Variants in PCDHGA12 observed in about 807,000 individuals in gnomAD.
PCDHGA12 encodes the protein protocadherin gamma-A12.
PCDHGA12 carries 43 observed loss-of-function variants against 61.1 expected under a neutral mutation model. The observed-to-expected ratio is 0.70, with a 90% CI of 0.55 to 0.91. The LOEUF (loss-of-function observed/expected upper bound fraction) is 0.91, where lower values mean the gene tolerates loss of function less well. PCDHGA12 is among the 40% of genes least tolerant of loss of function. The pLI, the probability that PCDHGA12 is intolerant of heterozygous loss-of-function variation, is 0.00. For missense variants in PCDHGA12, 1,236 were observed against 1,227.7 expected, an observed-to-expected ratio of 1.01 and a Z score of -0.10; for synonymous variants, 520 against 542.9, an observed-to-expected ratio of 0.96 and a Z score of 0.59.
chr5:141,431,354 G>C lies in PCDHGA12; in HGVS notation c.595G>C (p.Ala199Pro). 6.2e-7 allele frequency: 1 copy of C among 1,614,036 alleles called. No individual in the cohort carries two copies. Among genetic ancestry groups the C allele is most frequent in the Non-Finnish European group, 8.5e-7 (1 of 1,180,038 alleles). ...GTACCCCGAATTGGTGCTGAAACGC[G>C]CCCTGGACCGCGAAGAAAAGGCTGC... ...SKYPELVLKR[A>P]LDREEKAAHH... The change falls in exon 1 of 4, where the codon GCC becomes CCC. Residue 199 changes from alanine to proline, a missense_variant. By Grantham distance (27) the Ala-to-Pro change is conservative. Transcript: ENST00000252085. This position sits in a 1 kb window ranked among gnomAD's most constrained non-coding sequence, Gnocchi z 4.8.
chr5:141,453,931 G>T (rs61228273), intron 1 of PCDHGA12, among the ~76,000 whole-genome samples: 2 of 152,306 alleles, frequency 1.3e-5, no homozygotes, highest in African/African-American at 4.8e-5. Flanking sequence ...GTCACTGTGT[G>T]CCTATAATTT....
intron 1 of PCDHGA12, among the ~76,000 whole-genome samples, chr5:141,492,854 G>A (rs1361942466): frequency 6.6e-6 from 1 of 152,212 alleles, no homozygotes; most frequent in Non-Finnish European, 1.5e-5. Flanking sequence ...AAAGCCTCGA[G>A]CGCCCTGGCT....
In PCDHGA12 at chr5:141,433,104, A is replaced by G; in HGVS notation, c.2345A>G (p.Gln782Arg). 1 of 1,614,214 alleles carries G rather than the reference A, an allele frequency of 6.2e-7. No homozygotes were observed. Among genetic ancestry groups the G allele is most frequent in the Non-Finnish European group, 8.5e-7 (1 of 1,180,040 alleles). ...AACTATGCAGACATGCTCGTCAGCC[A>G]GGAGAGCTTTGAAAAAAGCGAGCCC... ...QPNYADMLVS[Q>R]ESFEKSEPLL... The change falls in exon 1 of 4, where the codon CAG (glutamine) becomes CGG (arginine). Residue 782 changes from glutamine (Q) to arginine (R), a missense_variant. Gln to Arg is a conservative substitution (Grantham distance 43). Coordinates refer to ENST00000252085, the MANE Select transcript of PCDHGA12 (RefSeq NM_003735.3).
chr5:141,490,092 C>T lies in PCDHGA12; in HGVS notation c.2425-4715C>T. On this transcript the variant is annotated intron_variant, in intron 1 of 3. Coordinates refer to ENST00000252085, the MANE Select transcript of PCDHGA12 (RefSeq NM_003735.3). This position sits in a 1 kb window ranked among gnomAD's most constrained non-coding sequence, Gnocchi z 5.4. ...AACTAGACTATTCTTTTGGAGACCA[C>T]ACATCTGAGGCAGTGCGGAACCTCT... 6.2e-7 allele frequency: 1 copy of T among 1,614,240 alleles called. No individual in the cohort carries two copies.
Position 141,432,036 on chromosome 5 carries a change from AC to A in PCDHGA12, c.1279del (p.Arg427GlyfsTer14), listed in dbSNP as rs1419691535. The A allele has an allele frequency of 6.2e-7, 1 of 1,614,218 alleles. No individual in the cohort carries two copies. The highest frequency in any genetic ancestry group is 1.3e-5 in the African/African-American group (1 of 75,048). On this transcript the variant is annotated frameshift_variant, in exon 1 of 4. Coordinates refer to ENST00000252085, the MANE Select transcript of PCDHGA12 (RefSeq NM_003735.3). LOFTEE classifies it high-confidence loss of function. This position sits in a 1 kb window ranked among gnomAD's most constrained non-coding sequence, Gnocchi z 6.0. ...TACAACATCACAGTGACCGCCACTG[AC>A]CGGGGAACCCCGCCCCTATCCACGG... ...PSYNITVTATDRGTPPLSTET... is the reference protein window; with the variant it reads ...PSYNITVTATXRGTPPLSTET...
In PCDHGA12 at chr5:141,512,845, A is replaced by G. The variant is rs1166488780; in HGVS notation, c.*1672A>G. On this transcript the variant is annotated 3_prime_UTR_variant, in exon 4 of 4. Coordinates refer to ENST00000252085, the MANE Select transcript of PCDHGA12 (RefSeq NM_003735.3). ...CTCCCCCGTACTGACTTCTCCTATA[A>G]GCGCTTCTCTTCGCATAGTCACGTA... The G allele has an allele frequency of 6.6e-6, 1 of 152,156 alleles. No individual in the cohort carries two copies. Among genetic ancestry groups the G allele is most frequent in the African/African-American group, 2.4e-5 (1 of 41,380 alleles). 9.4% of individuals were successfully genotyped at this position (152,156 alleles called of 1,614,324 possible).
At chr5:141,478,329 C>T (rs1295950117) in intron 1 of PCDHGA12, 1 of 1,613,982 alleles carries the variant, frequency 6.2e-7, no homozygotes, top group African/African-American at 1.3e-5. Context: ...TACCGAACAC[C>T]AGGGCCCTCC....
intron 1 of PCDHGA12, chr5:141,484,876 A>T (rs1461505847): frequency 6.3e-6 from 2 of 315,126 alleles, no homozygotes; most frequent in Admixed American, 9.4e-5. Flanking sequence ...CGTGGAGGAT[A>T]GGGTGGGCTT....
chr5:141,510,847 A>C (rs1279701390), intron 3 of PCDHGA12, 100 bp from the exon 4 acceptor site: 1 of 1,595,232 alleles, frequency 6.3e-7, no homozygotes, highest in Non-Finnish European at 8.6e-7. Context: ...GTCAAGGCCC[A>C]GGGTGCTGTA....
chr5:141,434,877 C>A (rs1266355299), intron 1 of PCDHGA12, among the ~76,000 whole-genome samples: 1 of 151,612 alleles, frequency 6.6e-6, no homozygotes, highest in Non-Finnish European at 1.5e-5. Flanking sequence ...TGACAGATAC[C>A]AACAACAATC....
chr5:141,448,814 G>A (rs967588194), intron 1 of PCDHGA12, among the ~76,000 whole-genome samples: 14 of 152,122 alleles, frequency 9.2e-5, no homozygotes, highest in Non-Finnish European at 1.8e-4. Flanking sequence ...GCGTGATGGC[G>A]GGCGCCTGTA....
At chr5:141,435,884 C>G (rs1020738994) in intron 1 of PCDHGA12, among the ~76,000 whole-genome samples, 9 of 152,070 alleles carry the variant, frequency 5.9e-5, no homozygotes, top group African/African-American at 1.9e-4. Flanking sequence ...ATTGGAAACC[C>G]CTTAGAGAAT....
chr5:141,457,498 G>A (rs193168963), intron 1 of PCDHGA12, among the ~76,000 whole-genome samples: 23 of 152,246 alleles, frequency 1.5e-4, no homozygotes, highest in African/African-American at 4.3e-4. Flanking sequence ...TAAAATGTAG[G>A]CAAAAAGCTT....
chr5:141,475,644 A>C (rs1021491842), intron 1 of PCDHGA12, among the ~76,000 whole-genome samples: 2 of 152,238 alleles, frequency 1.3e-5, no homozygotes, highest in Non-Finnish European at 2.9e-5. Context: ...TCTTGTGATC[A>C]AAGAAAGTGA....
At chr5:141,436,738 G>T (rs1207400781) in intron 1 of PCDHGA12, among the ~76,000 whole-genome samples, 2 of 152,306 alleles carry the variant, frequency 1.3e-5, no homozygotes, top group South Asian at 2.1e-4. Context: ...AATGATTTTT[G>T]TGTGCTTCTC....
intron 1 of PCDHGA12, among the ~76,000 whole-genome samples, chr5:141,474,136 G>A (rs1383142266): frequency 1.3e-5 from 2 of 152,056 alleles, no homozygotes; most frequent in East Asian, 3.8e-4. Context: ...AAAACTACAG[G>A]CCTTATTATC....
At chr5:141,481,035 G>C (rs1342607604) in intron 1 of PCDHGA12, among the ~76,000 whole-genome samples, 1 of 152,094 alleles carries the variant, frequency 6.6e-6, no homozygotes, top group Non-Finnish European at 1.5e-5. Flanking sequence ...TCCAGCCTGG[G>C]CGACAGAGCG....
chr5:141,511,138 A>C lies in PCDHGA12; in HGVS notation c.2764A>C (p.Asn922His). 6.2e-7 allele frequency: 1 copy of C among 1,614,210 alleles called. No homozygotes were observed. ...DGKAPAGGNGNKKKSGKKEKK is the reference protein window; with the variant it reads ...DGKAPAGGNGHKKKSGKKEKK ...CAAGGCCCCAGCAGGTGGCAATGGCAACAAGAAGAAGTCGGGCAAGAAGGA... is the reference window on the plus strand; with the variant it reads ...CAAGGCCCCAGCAGGTGGCAATGGCCACAAGAAGAAGTCGGGCAAGAAGGA... Residue 922 changes from asparagine to histidine, a missense_variant, in exon 4 of 4, where the codon AAC becomes CAC. Transcript: ENST00000252085.
intron 1 of PCDHGA12, among the ~76,000 whole-genome samples, chr5:141,463,099 A>G (rs1445730117): frequency 1.4e-4 from 21 of 152,204 alleles, no homozygotes; most frequent in Admixed American, 1.4e-3. Context: ...CTATGTGACC[A>G]TCAAGAATTC....
Sources: gnomAD v4.1 joint callset for allele counts (sites outside exome capture counted in the v4.1 genomes callset) on GRCh38, gnomAD v4.1.1 for gene constraint, Gnocchi (gnomAD v3.1) non-coding constraint, MANE v1.5 for transcripts, NCBI Gene and HGNC (gene_info 2026-07-23, HGNC 2026-07-21) for gene names.